Variants in RDH12 observed in about 807,000 individuals in gnomAD.
The protein encoded by RDH12 is retinol dehydrogenase 12.
In RDH12, 21 loss-of-function variants were observed where a neutral mutation model predicts 34.0. That is an observed-to-expected ratio of 0.62 (90% CI 0.44 to 0.89). The LOEUF (loss-of-function observed/expected upper bound fraction) is 0.89, where lower values mean the gene tolerates loss of function less well. Among genes scored for constraint, RDH12 ranks in the 40% least tolerant of loss-of-function variants. RDH12 has a pLI of 0.00. For synonymous variants in RDH12, 198 were observed against 169.9 expected, an observed-to-expected ratio of 1.17 and a Z score of -1.29; for missense variants, 394 against 398.6, an observed-to-expected ratio of 0.99 and a Z score of 0.10.
chr14:67,709,774 T>A (rs1411099962), intron 1 of RDH12, among the ~76,000 whole-genome samples: 1 of 152,210 alleles, frequency 6.6e-6, no homozygotes, highest in African/African-American at 2.4e-5. Context: ...ATGTCCTTTT[T>A]AGACCAAGGC....
chr14:67,731,312 T>C (rs1373974790), intron 8 of RDH12, among the ~76,000 whole-genome samples: 3 of 149,822 alleles, frequency 2.0e-5, no homozygotes, highest in African/African-American at 7.4e-5. Context: ...CCTCCTGGGT[T>C]CAAGGGATCC....
chr14:67,729,074 C>T (rs918596462), intron 7 of RDH12, 117 bp from the exon 8 acceptor site: 2 of 1,052,154 alleles, frequency 1.9e-6, no homozygotes, highest in Admixed American at 3.4e-5. Flanking sequence ...CCTGCTGAAT[C>T]CTGGGGTTAT....
chr14:67,720,175 G>A (rs946117338), intron 1 of RDH12, among the ~76,000 whole-genome samples: 5 of 152,222 alleles, frequency 3.3e-5, no homozygotes, highest in African/African-American at 1.2e-4. Context: ...TCTCATATGA[G>A]TGAGGGTGAA....
intron 2 of RDH12, 83 bp from the exon 3 acceptor site, chr14:67,722,341 G>A (rs1383981064): frequency 4.0e-6 from 2 of 501,266 alleles, no homozygotes; most frequent in Non-Finnish European, 7.3e-6. Context: ...GGTTTAGGGG[G>A]TACTTGCTTT....
intron 8 of RDH12, 146 bp from the exon 9 acceptor site, chr14:67,733,600 T>TG: frequency 1.7e-6 from 1 of 590,706 alleles, no homozygotes; most frequent in East Asian, 3.5e-5. Flanking sequence ...AAAATATTTT[T>TG]GGAGTGCATT....
At chr14:67,708,905 G>A (rs1488741834) in intron 1 of RDH12, among the ~76,000 whole-genome samples, 1 of 150,312 alleles carries the variant, frequency 6.7e-6, no homozygotes, top group African/African-American at 2.4e-5. Context: ...TGATTCTCCT[G>A]CCTCAGCCTC....
intron 8 of RDH12, among the ~76,000 whole-genome samples, chr14:67,731,207 C>CTTTTTTTTTTTTTTTTTTTTT (rs71129853): frequency 1.1e-5 from 1 of 90,622 alleles, no homozygotes; most frequent in African/African-American, 4.9e-5. Flanking sequence ...TTCTTTCTTT[C>CTTTTTTTTTTTTTTTTTTTTT]TTTTTTTTTT....
At chr14:67,730,426 T>C (rs1339858057) in intron 8 of RDH12, among the ~76,000 whole-genome samples, 1 of 152,090 alleles carries the variant, frequency 6.6e-6, no homozygotes, top group African/African-American at 2.4e-5. Context: ...AATCTGAAAA[T>C]TCGGAGTCCG....
chr14:67,719,524 G>C (rs1051739821), intron 1 of RDH12, among the ~76,000 whole-genome samples: 27 of 152,206 alleles, frequency 1.8e-4, no homozygotes, highest in African/African-American at 6.0e-4. Context: ...GCCCAGGCTG[G>C]AGTGTAGTGG....
intron 1 of RDH12, chr14:67,718,028 T>G (rs1243692583): frequency 1.3e-5 from 2 of 152,204 alleles, no homozygotes; most frequent in African/African-American, 4.8e-5. Context: ...GTGTGTTTAT[T>G]TTAGCTTTTA....
chr14:67,732,176 C>T (rs148620635), intron 8 of RDH12, among the ~76,000 whole-genome samples: 1 of 150,300 alleles, frequency 6.7e-6, no homozygotes, highest in Non-Finnish European at 1.5e-5. Flanking sequence ...GCGGCTCATG[C>T]CTGTAGTCCC....
chr14:67,721,029 C>T (rs1253014512), intron 2 of RDH12, 127 bp downstream of exon 2: 2 of 152,236 alleles, frequency 1.3e-5, no homozygotes, highest in Admixed American at 6.5e-5. Flanking sequence ...GAAACTGTGT[C>T]TTCCTAGTAT....
chr14:67,731,368 C>T (rs772553624), intron 8 of RDH12, among the ~76,000 whole-genome samples: 38 of 151,948 alleles, frequency 2.5e-4, no homozygotes, highest in Non-Finnish European at 4.4e-4. Flanking sequence ...GTGCATGCCA[C>T]GACGCCCAGC....
chr14:67,721,400 C>T (rs185789710), intron 2 of RDH12, among the ~76,000 whole-genome samples: 55 of 152,172 alleles, frequency 3.6e-4, no homozygotes, highest in Middle Eastern at 3.4e-3. Flanking sequence ...ATTACAGGCA[C>T]GCACCACCAC....
intron 1 of RDH12, among the ~76,000 whole-genome samples, chr14:67,715,792 A>T (rs1298574049): frequency 6.6e-6 from 1 of 152,216 alleles, no homozygotes; most frequent in Non-Finnish European, 1.5e-5. Flanking sequence ...TGTAAACTCA[A>T]CCATATTCAC....
intron 1 of RDH12, among the ~76,000 whole-genome samples, chr14:67,719,404 GT>G (rs1667873237): frequency 6.6e-6 from 1 of 152,208 alleles, no homozygotes; most frequent in African/African-American, 2.4e-5. Flanking sequence ...TTTCCAAGCA[GT>G]TCATTTGGAA....
intron 1 of RDH12, among the ~76,000 whole-genome samples, chr14:67,704,311 C>T (rs562440612): frequency 3.9e-5 from 6 of 152,282 alleles, no homozygotes; most frequent in Middle Eastern, 6.8e-3. Context: ...ATTTTCAAAT[C>T]GTTTCACATA....
At chr14:67,710,313 G>A (rs1955472) in intron 1 of RDH12, among the ~76,000 whole-genome samples, 20,381 of 152,126 alleles carry the variant, frequency 0.13, 1,403 homozygotes, top group East Asian at 0.21. Context: ...CACAGATGTA[G>A]TAACCTTAAT....
chr14:67,718,068 A>G (rs1339717405), intron 1 of RDH12, among the ~76,000 whole-genome samples: 2 of 152,216 alleles, frequency 1.3e-5, no homozygotes, highest in Non-Finnish European at 2.9e-5. Context: ...ACAAGTCATT[A>G]TTATTGGTTA....
Sources: gnomAD v4.1 joint callset for allele counts (sites outside exome capture counted in the v4.1 genomes callset) on GRCh38, gnomAD v4.1.1 for gene constraint, MANE v1.5 for transcripts, NCBI Gene and HGNC (gene_info 2026-07-23, HGNC 2026-07-21) for gene names.